Variants in FGD5 observed in about 807,000 individuals in gnomAD.
The protein encoded by FGD5 is FYVE, RhoGEF and PH domain containing 5.
Under a neutral mutation model 133.4 loss-of-function variants are expected in FGD5, and 28 were observed. That is an observed-to-expected ratio of 0.21 (90% CI 0.16 to 0.29). The LOEUF is 0.29. FGD5 is among the 10% of genes least tolerant of loss of function. The probability of loss-of-function intolerance (pLI) is 1.00; values close to 1 mark genes in which losing one functional copy is unlikely to be tolerated. For synonymous variants in FGD5, 810 were observed against 776.5 expected (o/e 1.04, Z -0.72); for missense variants, 1,858 against 1,895.2 (o/e 0.98, Z 0.36).
In FGD5 at chr3:14,898,887, G is replaced by C; in HGVS notation, c.3154+61G>C. The C allele has an allele frequency of 2.1e-6, 3 of 1,438,268 alleles. No homozygotes were observed. The African/African-American group carries it at 4.2e-5, about 20-fold the overall frequency. The allele number at this position is 1,438,268 out of a possible 1,614,324, so 89.1% of individuals were successfully genotyped here. A position where few individuals can be genotyped will look rare whatever the true frequency, so the allele number is the denominator to read the frequency against. ...GCAGGGCAGGGAAGGCCCCTGAGGAGGGGTGGAGGGGACTGTGGTGACCTT... is the reference window on the plus strand; with the variant it reads ...GCAGGGCAGGGAAGGCCCCTGAGGACGGGTGGAGGGGACTGTGGTGACCTT... On this transcript the variant is annotated intron_variant, in intron 7 of 19. Coordinates refer to ENST00000285046, the MANE Select transcript of FGD5 (RefSeq NM_152536.4).
intron 1 of FGD5, among the ~76,000 whole-genome samples, chr3:14,863,070 G>A (rs895475482): frequency 2.6e-5 from 4 of 152,186 alleles, no homozygotes; most frequent in Non-Finnish European, 5.9e-5. Context: ...GCCAGGGCCT[G>A]AGGGAAAGCT....
chr3:14,818,814 C>T, upstream of FGD5: 2 of 830,600 alleles, frequency 2.4e-6, no homozygotes, highest in Non-Finnish European at 3.4e-6. Context: ...AGGGCATAAG[C>T]CTAAGACAAA....
intron 2 of FGD5, 107 bp downstream of exon 2, chr3:14,864,367 A>G: frequency 6.5e-7 from 1 of 1,530,640 alleles, no homozygotes; most frequent in Non-Finnish European, 8.9e-7. Flanking sequence ...GTTTGCAGAT[A>G]GCTGGCCCCA....
intron 11 of FGD5, among the ~76,000 whole-genome samples, chr3:14,912,628 C>G (rs369533975): frequency 1.3e-5 from 2 of 152,158 alleles, no homozygotes; most frequent in African/African-American, 2.4e-5. Flanking sequence ...TATTATCCAT[C>G]TCCTCTGCAT....
intron 2 of FGD5, among the ~76,000 whole-genome samples, chr3:14,870,151 CATG>C (rs1469705900): frequency 1.4e-5 from 1 of 72,948 alleles, no homozygotes; most frequent in East Asian, 4.2e-4. Context: ...GCCCGAATGG[CATG>C]AGGGAGCCCG....
At chr3:14,921,162 C>T (rs2038672977) in intron 13 of FGD5, 1 of 152,482 alleles carries the variant, frequency 6.6e-6, no homozygotes, top group African/African-American at 2.4e-5. Context: ...TTGAAGCTCC[C>T]AGGGGACCGC....
chr3:14,926,619 G>A (rs900654542), intron 18 of FGD5, among the ~76,000 whole-genome samples: 3 of 152,166 alleles, frequency 2.0e-5, no homozygotes, highest in Admixed American at 2.0e-4. Context: ...CTTTTATAGG[G>A]TAACTCTAGT....
At chr3:14,861,678 C>G (rs1198218037) in intron 1 of FGD5, among the ~76,000 whole-genome samples, 1 of 152,196 alleles carries the variant, frequency 6.6e-6, no homozygotes, top group Non-Finnish European at 1.5e-5. Flanking sequence ...GGAAACCACC[C>G]CCTGCTTGGC....
chr3:14,921,855 C>A, intron 13 of FGD5, 63 bp from the exon 14 acceptor site: 1 of 1,472,782 alleles, frequency 6.8e-7, no homozygotes, highest in Non-Finnish European at 9.3e-7. Context: ...CTCATCCATG[C>A]CGAGATGGAG....
At chr3:14,824,717 T>G (rs1384663231) in intron 1 of FGD5, among the ~76,000 whole-genome samples, 1 of 152,268 alleles carries the variant, frequency 6.6e-6, no homozygotes, top group Non-Finnish European at 1.5e-5. Context: ...ACTCATTACT[T>G]TTCTTTAAAT....
At chr3:14,860,371 A>G (rs2037374639) in intron 1 of FGD5, among the ~76,000 whole-genome samples, 1 of 152,230 alleles carries the variant, frequency 6.6e-6, no homozygotes, top group African/African-American at 2.4e-5. Context: ...TCTAATGGTG[A>G]CTTATCCCCA....
At chr3:14,813,101 G>A (rs910589927) in intron 1 of FGD5, among the ~76,000 whole-genome samples, 3 of 152,118 alleles carry the variant, frequency 2.0e-5, no homozygotes, top group Non-Finnish European at 2.9e-5. Flanking sequence ...TGCCTAACAC[G>A]TAGTAGGGTG....
chr3:14,877,318 C>T (rs1236259549), intron 2 of FGD5, among the ~76,000 whole-genome samples: 1 of 152,138 alleles, frequency 6.6e-6, no homozygotes, highest in Admixed American at 6.5e-5. Flanking sequence ...AGCAGGACTG[C>T]CCCGTGCGTC....
rs2037518018 is a variant in FGD5, at chr3:14,867,497, GAAGGCAATCAATGGACCAGA to G, written c.2658+3238_2658+3257del. On this transcript the variant is annotated intron_variant, in intron 2 of 19. Transcript: ENST00000285046. Reference sequence around the variant, plus strand: ...AAGGTTTTCTGAAGGGTAGATCCCAGAAGGCAATCAATGGACCAGAGAGCAGGCATATTTTAAATCTCCAT... The same window carrying G: ...AAGGTTTTCTGAAGGGTAGATCCCAGGAGCAGGCATATTTTAAATCTCCAT... 1.8e-4 allele frequency among the ~76,000 whole-genome samples: 27 copies of G among 152,300 alleles called. No homozygotes were observed. In the South Asian group the frequency reaches 5.6e-3, roughly 32 times the overall value.
Position 14,820,586 on chromosome 3 carries a change from G to A in FGD5, c.1515G>A (p.Ala505=), listed in dbSNP as rs371123682. Residue 505 remains alanine (A), a synonymous_variant, in exon 1 of 20, where the codon GCG becomes GCA. Coordinates refer to ENST00000285046, the MANE Select transcript of FGD5 (RefSeq NM_152536.4). Reference sequence around the variant, plus strand: ...TCCCTGAAGAAACCGGACCTGAGGCGGGCTCGTCAGCCCCTGGCATTGGAG... The same window carrying A: ...TCCCTGAAGAAACCGGACCTGAGGCAGGCTCGTCAGCCCCTGGCATTGGAG... ...ETVPEETGPE[A]GSSAPGIGGA... is the part of the protein sequence containing the mutation. The A allele has an allele frequency of 6.2e-6, 10 of 1,608,790 alleles. No homozygotes were observed. Among genetic ancestry groups the A allele is most frequent in the African/African-American group, 2.7e-5 (2 of 74,822 alleles).
In FGD5 at chr3:14,820,276, G is replaced by A. The variant is rs1462659030; in HGVS notation, c.1205G>A (p.Gly402Asp). 3 of 1,605,372 alleles carry A rather than the reference G, an allele frequency of 1.9e-6. No individual in the cohort carries two copies. The highest frequency in any genetic ancestry group is 1.3e-5 in the African/African-American group (1 of 74,902). The part of the protein sequence containing the change: ...ALCGQCGSLQ[G>D]GAAEGPAAPD... ...TGTGGCCAGTGTGGCTCCCTACAGG[G>A]TGGAGCGGCCGAGGGTCCCGCAGCC... The change falls in exon 1 of 20, where the codon GGT becomes GAT. Residue 402 changes from glycine (G) to aspartate (D), a missense_variant. This residue lies in a region of FGD5 where 1,824 missense variants were observed against 1,848.9 expected (regional missense o/e 0.99). Transcript: ENST00000285046.
At chr3:14,923,288 G>A in intron 16 of FGD5, 113 bp downstream of exon 16, 11 of 1,383,104 alleles carry the variant, frequency 8.0e-6, no homozygotes, top group Non-Finnish European at 1.1e-5. Context: ...CCTGGAGGGA[G>A]TTATTCACTC....
chr3:14,817,727 A>G (rs1003658708), upstream of FGD5, among the ~76,000 whole-genome samples: 1 of 152,162 alleles, frequency 6.6e-6, no homozygotes, highest in African/African-American at 2.4e-5. Context: ...TTTTGAGGCC[A>G]CTTGTGTCAT....
Position 14,858,600 on chromosome 3 carries a change from C to T in FGD5, c.2526-5528C>T, listed in dbSNP as rs571008283. On this transcript the variant is annotated intron_variant, in intron 1 of 19. Coordinates refer to ENST00000285046, the MANE Select transcript of FGD5 (RefSeq NM_152536.4). ...CCTGTAGTACAGAGTCTAGAACAGA[C>T]GGCTCGTAATAGGAATTTTTTTGAA... Among the ~76,000 whole-genome samples the T allele has an allele frequency of 8.5e-5, 13 of 152,266 alleles. No homozygotes were observed. In the South Asian group the frequency reaches 1.9e-3, roughly 22 times the overall value.
Sources: allele counts gnomAD v4.1 joint callset (sites outside exome capture counted in the v4.1 genomes callset), GRCh38; gene constraint gnomAD v4.1.1; regional missense constraint gnomAD v4.1.1; transcripts MANE v1.5; gene names NCBI Gene and HGNC (gene_info 2026-07-23, HGNC 2026-07-21).